The following DYNC1I1 variants were observed in gnomAD, a reference collection of about 807,000 sequenced individuals.
DYNC1I1 encodes the protein cytoplasmic dynein 1 intermediate chain 1.
A neutral mutation model predicts 86.6 loss-of-function variants in DYNC1I1; 43 were observed. The observed-to-expected ratio is 0.50, with a 90% confidence interval of 0.39 to 0.64. The LOEUF (loss-of-function observed/expected upper bound fraction) is 0.64. Ranked by LOEUF, DYNC1I1 falls within the 30% of genes least tolerant of loss-of-function variation. The pLI is 0.00. For synonymous variants in DYNC1I1, 262 were observed against 283.7 expected (o/e 0.92, Z 0.77); for missense variants, 604 against 788.8 (o/e 0.77, Z 2.81).
chr7:95,784,762 C>G (rs1030406189), intron 1 of DYNC1I1, among the ~76,000 whole-genome samples: 3 of 152,200 alleles, frequency 2.0e-5, no homozygotes, highest in African/African-American at 7.2e-5. Context: ...GAAGTTCAAG[C>G]ATGTCACCTC....
chr7:96,077,164 C>T (rs1375080638), intron 15 of DYNC1I1, among the ~76,000 whole-genome samples: 1 of 151,602 alleles, frequency 6.6e-6, no homozygotes, highest in Non-Finnish European at 1.5e-5. Context: ...GTGTTTTGAG[C>T]AGGAAACAGC....
At chr7:95,797,574 A>C (rs1370810656) in intron 1 of DYNC1I1, among the ~76,000 whole-genome samples, 1 of 152,252 alleles carries the variant, frequency 6.6e-6, no homozygotes, top group Non-Finnish European at 1.5e-5. Flanking sequence ...GACATTATAA[A>C]ATCATACATG....
At chr7:96,048,930 C>G (rs978019111) in intron 14 of DYNC1I1, among the ~76,000 whole-genome samples, 3 of 152,084 alleles carry the variant, frequency 2.0e-5, no homozygotes, top group East Asian at 1.9e-4. Flanking sequence ...TCTCTATGAG[C>G]GTAAAATTTA....
chr7:95,852,393 T>C (rs1426253923), intron 5 of DYNC1I1, among the ~76,000 whole-genome samples: 1 of 152,014 alleles, frequency 6.6e-6, no homozygotes, highest in Non-Finnish European at 1.5e-5. Context: ...GTCTTCTCTT[T>C]TTTCCTTAGT....
intron 14 of DYNC1I1, among the ~76,000 whole-genome samples, chr7:96,074,492 A>T (rs561057492): frequency 1.7e-4 from 26 of 150,792 alleles, no homozygotes; most frequent in African/African-American, 5.9e-4. Flanking sequence ...CGGAGCTTGC[A>T]ATGAGCCGAG....
intron 1 of DYNC1I1, among the ~76,000 whole-genome samples, chr7:95,794,705 A>G (rs1481258177): frequency 6.6e-6 from 1 of 152,188 alleles, no homozygotes; most frequent in Non-Finnish European, 1.5e-5. Context: ...GTTACAGTTA[A>G]AGTAGTACAA....
At chr7:95,993,001 G>A (rs969977839) in intron 9 of DYNC1I1, among the ~76,000 whole-genome samples, 1 of 152,152 alleles carries the variant, frequency 6.6e-6, no homozygotes, top group Non-Finnish European at 1.5e-5. Flanking sequence ...CCTAGGGTAA[G>A]TATTGGATAA....
intron 16 of DYNC1I1, among the ~76,000 whole-genome samples, chr7:96,082,102 C>T (rs1040248076): frequency 6.6e-6 from 1 of 151,960 alleles, no homozygotes; most frequent in Non-Finnish European, 1.5e-5. Context: ...AAGAGAATAC[C>T]CTCTGAGTCG....
At chr7:95,779,385 G>A (rs1431979670) in intron 1 of DYNC1I1, among the ~76,000 whole-genome samples, 1 of 152,140 alleles carries the variant, frequency 6.6e-6, no homozygotes, top group Admixed American at 6.6e-5. Flanking sequence ...CTGTAAAATG[G>A]GGAAAATGAT....
chr7:95,991,485 C>T lies in DYNC1I1; in HGVS notation c.843+4330C>T, dbSNP rs1369927386. The stretch of plus-strand genomic sequence containing the variant: ...AGAAATATTAGGAATCTGGGCAGCC[C>T]GAGGGACCTCACCAACAGGCTGCTG... On this transcript the variant is annotated intron_variant, in intron 9 of 16. Transcript: ENST00000447467. Among the ~76,000 whole-genome samples the T allele has an allele frequency of 3.9e-5, 6 of 152,234 alleles. No homozygotes were observed. The South Asian group carries it at 8.3e-4, about 21-fold the overall frequency.
intron 10 of DYNC1I1, among the ~76,000 whole-genome samples, chr7:96,018,299 A>G (rs1480452821): frequency 1.3e-5 from 2 of 152,238 alleles, no homozygotes; most frequent in East Asian, 3.9e-4. Flanking sequence ...AAGTTTTCAC[A>G]GTATATTGGT....
chr7:96,028,246 G>T lies in DYNC1I1; in HGVS notation c.1041G>T (p.Gln347His), dbSNP rs1440731310. ...TGGTTGGTGGGACTTACTCGGGCCA[G>T]ATTGTCCTCTGGGACAATCGCAGTC... ...NLVVGGTYSGQIVLWDNRSHR... is the reference protein window; with the variant it reads ...NLVVGGTYSGHIVLWDNRSHR... The change falls in exon 11 of 17, where the codon CAG (glutamine) becomes CAT (histidine). Residue 347 changes from glutamine to histidine, a missense_variant. Transcript: ENST00000447467. The T allele has an allele frequency of 6.2e-7, 1 of 1,613,908 alleles. No homozygotes were observed.
chr7:95,921,066 A>G (rs930710388), intron 6 of DYNC1I1, among the ~76,000 whole-genome samples: 3 of 152,210 alleles, frequency 2.0e-5, no homozygotes, highest in African/African-American at 4.8e-5. Flanking sequence ...ATTGCTATTA[A>G]TGTTACAGCT....
At chr7:95,892,912 A>C (rs769678722) in intron 6 of DYNC1I1, among the ~76,000 whole-genome samples, 55 of 152,356 alleles carry the variant, frequency 3.6e-4, no homozygotes, top group Admixed American at 2.6e-4. Flanking sequence ...TGCTTTGCTC[A>C]AAGTGGCAGG....
Position 95,828,048 on chromosome 7 carries a change from C to T in DYNC1I1, c.315-9C>T, listed in dbSNP as rs756794303. 2.5e-6 allele frequency: 4 copies of T among 1,613,620 alleles called. No individual in the cohort carries two copies. Among genetic ancestry groups the T allele is most frequent in the African/African-American group, 1.3e-5 (1 of 74,998 alleles). On this transcript the variant is annotated splice_polypyrimidine_tract_variant and intron_variant, in intron 4 of 16. Coordinates refer to ENST00000447467, the MANE Select transcript of DYNC1I1 (RefSeq NM_001135556.2). Reference sequence around the variant, plus strand: ...TCTGTGTTCTTTTTCCTTTGTGCTGCACAATTAGGACCCTGCAGTGGGACA... The same window carrying T: ...TCTGTGTTCTTTTTCCTTTGTGCTGTACAATTAGGACCCTGCAGTGGGACA...
At chr7:95,923,441 A>G (rs1353471028) in intron 6 of DYNC1I1, among the ~76,000 whole-genome samples, 1 of 152,176 alleles carries the variant, frequency 6.6e-6, no homozygotes, top group Non-Finnish European at 1.5e-5. Context: ...GTTGGAAGAA[A>G]GCCAGTGACA....
chr7:95,809,064 G>A (rs1299564325), intron 2 of DYNC1I1, among the ~76,000 whole-genome samples: 1 of 152,160 alleles, frequency 6.6e-6, no homozygotes, highest in Non-Finnish European at 1.5e-5. Context: ...GTTATGCAGA[G>A]TGTCTGACTC....
chr7:95,810,347 C>T (rs771573932), intron 2 of DYNC1I1, 45 bp from the exon 3 acceptor site: 1 of 1,506,442 alleles, frequency 6.6e-7, no homozygotes, highest in South Asian at 1.2e-5. Flanking sequence ...GAAAAGCATA[C>T]ATTTAGTTAT....
intron 5 of DYNC1I1, among the ~76,000 whole-genome samples, chr7:95,866,858 A>G (rs1790029771): frequency 6.6e-6 from 1 of 152,226 alleles, no homozygotes; most frequent in African/African-American, 2.4e-5. Flanking sequence ...TACATTGGGA[A>G]AACCTAATGA....
Sources: allele counts gnomAD v4.1 joint callset (sites outside exome capture counted in the v4.1 genomes callset), GRCh38; gene constraint gnomAD v4.1.1; transcripts MANE v1.5; gene names NCBI Gene and HGNC (gene_info 2026-07-23, HGNC 2026-07-21).